CTNNA3: variants seen among roughly 807,000 people sequenced by gnomAD.
CTNNA3 encodes the protein catenin alpha 3.
Under a neutral mutation model 95.7 loss-of-function variants are expected in CTNNA3, and 76 were observed. The observed-to-expected ratio is 0.79, with a 90% CI of 0.66 to 0.96. The LOEUF (loss-of-function observed/expected upper bound fraction) is 0.96, where lower values mean the gene tolerates loss of function less well. Ranked by LOEUF, CTNNA3 falls within the 40% of genes least tolerant of loss-of-function variation. CTNNA3 has a pLI of 0.00. For missense variants in CTNNA3, 1,191 were observed against 1,089.8 expected (o/e 1.09, Z -1.31); for synonymous variants, 431 against 374.4 (o/e 1.15, Z -1.74).
chr10:66,204,330 A>G (rs1488531101), intron 13 of CTNNA3, among the ~76,000 whole-genome samples: 1 of 152,174 alleles, frequency 6.6e-6, no homozygotes, highest in Non-Finnish European at 1.5e-5. Flanking sequence ...GTTCAAAAGA[A>G]TAATGACCCA....
rs369882588 is a variant in CTNNA3 at position 66,654,071 on chromosome 10, A to T, written c.1282-32287T>A. On this transcript the variant is annotated intron_variant, in intron 9 of 17. Coordinates refer to ENST00000433211, the MANE Select transcript of CTNNA3 (RefSeq NM_013266.4). ...GCAATGATTTTTTGGATATGATCTC[A>T]AAAGAAAAGGCAACAAAAGTGAAAA... 2.0e-5 allele frequency among the ~76,000 whole-genome samples: 3 copies of T among 152,224 alleles called. No individual in the cohort carries two copies. The East Asian group carries it at 5.8e-4, about 29-fold the overall frequency.
At chr10:67,078,173 A>G (rs889032076) in intron 7 of CTNNA3, among the ~76,000 whole-genome samples, 1 of 152,182 alleles carries the variant, frequency 6.6e-6, no homozygotes, top group Non-Finnish European at 1.5e-5. Flanking sequence ...ATAAAAGAAC[A>G]CCACTTTTAG....
intron 7 of CTNNA3, among the ~76,000 whole-genome samples, chr10:66,815,246 T>G (rs1242969787): frequency 6.6e-6 from 1 of 152,166 alleles, no homozygotes; most frequent in Non-Finnish European, 1.5e-5. Context: ...GGGGAGTGTG[T>G]GTTCTAGAAA....
chr10:67,355,562 C>G (rs1414761004), intron 5 of CTNNA3, among the ~76,000 whole-genome samples: 1 of 151,832 alleles, frequency 6.6e-6, no homozygotes, highest in South Asian at 2.1e-4. Context: ...GGAGCTGTAA[C>G]TTCTGCTCCT....
At chr10:66,740,691 T>G (rs1371874599) in intron 9 of CTNNA3, among the ~76,000 whole-genome samples, 1 of 152,228 alleles carries the variant, frequency 6.6e-6, no homozygotes, top group Non-Finnish European at 1.5e-5. Context: ...CCTTTTGCAA[T>G]TGACTTGCCT....
intron 7 of CTNNA3, among the ~76,000 whole-genome samples, chr10:67,026,197 A>G (rs1853376973): frequency 6.6e-6 from 1 of 151,708 alleles, no homozygotes; most frequent in African/African-American, 2.4e-5. Context: ...AGCATGGCAC[A>G]TGTATACATA....
At chr10:66,928,182 G>A in intron 7 of CTNNA3, 1 of 1,614,066 alleles carries the variant, frequency 6.2e-7, no homozygotes, top group African/African-American at 1.3e-5. Context: ...AAATCATCGC[G>A]GGCAGCGTGG....
At chr10:67,478,519 C>T (rs1848102146) in intron 5 of CTNNA3, among the ~76,000 whole-genome samples, 1 of 152,088 alleles carries the variant, frequency 6.6e-6, no homozygotes, top group Non-Finnish European at 1.5e-5. Context: ...AATTTCATAT[C>T]CCACTAAATT....
intron 12 of CTNNA3, among the ~76,000 whole-genome samples, chr10:66,330,718 C>T (rs867388224): frequency 3.5e-4 from 54 of 152,230 alleles, no homozygotes; most frequent in African/African-American, 1.2e-3. Flanking sequence ...TCCTCCACAT[C>T]CTCTCCAGCA....
At chr10:67,650,824 G>A (rs1324082649) in intron 1 of CTNNA3, among the ~76,000 whole-genome samples, 1 of 152,152 alleles carries the variant, frequency 6.6e-6, no homozygotes. Flanking sequence ...GAAGATCAGA[G>A]AGATGCACAG....
chr10:67,514,255 G>A (rs1839736403), intron 5 of CTNNA3, among the ~76,000 whole-genome samples: 1 of 152,118 alleles, frequency 6.6e-6, no homozygotes. Flanking sequence ...AGCTGAGATT[G>A]TGCCACTGCA....
intron 1 of CTNNA3, among the ~76,000 whole-genome samples, chr10:67,711,063 G>A (rs1841104460): frequency 6.6e-6 from 1 of 152,158 alleles, no homozygotes; most frequent in Non-Finnish European, 1.5e-5. Context: ...CTTTTCTCTT[G>A]TCTGCCACCA....
intron 1 of CTNNA3, among the ~76,000 whole-genome samples, chr10:67,763,112 TA>T (rs988947922): frequency 1.3e-5 from 2 of 152,078 alleles, no homozygotes; most frequent in Non-Finnish European, 2.9e-5. Flanking sequence ...GGACAAGATT[TA>T]AAAAACAAAA....
intron 5 of CTNNA3, among the ~76,000 whole-genome samples, chr10:67,407,380 A>G (rs1389730768): frequency 6.6e-6 from 1 of 152,206 alleles, no homozygotes; most frequent in African/African-American, 2.4e-5. Context: ...CTTTCATGTA[A>G]AAAGCTCTCA....
At chr10:67,596,314 T>C (rs1361680524) in intron 3 of CTNNA3, among the ~76,000 whole-genome samples, 1 of 152,090 alleles carries the variant, frequency 6.6e-6, no homozygotes, top group African/African-American at 2.4e-5. Context: ...ATACCTGAGG[T>C]TGCAATTTTT....
At chr10:66,541,743 A>C (rs1841859211) in intron 10 of CTNNA3, among the ~76,000 whole-genome samples, 1 of 152,156 alleles carries the variant, frequency 6.6e-6, no homozygotes, top group Admixed American at 6.5e-5. Context: ...CCAAGAGAGA[A>C]GTCTCCTCAT....
chr10:67,267,486 TC>T, intron 5 of CTNNA3, among the ~76,000 whole-genome samples: 1 of 152,302 alleles, frequency 6.6e-6, no homozygotes, highest in Non-Finnish European at 1.5e-5. Context: ...TGCCTCAGCC[TC>T]CCAAGTAGCT....
At chr10:67,030,875 G>A (rs1853679336) in intron 7 of CTNNA3, among the ~76,000 whole-genome samples, 1 of 152,078 alleles carries the variant, frequency 6.6e-6, no homozygotes, top group South Asian at 2.1e-4. Flanking sequence ...GTGGTGGCGG[G>A]AGTCTGTAAT....
At chr10:66,665,993 C>T (rs1179755858) in intron 9 of CTNNA3, among the ~76,000 whole-genome samples, 4 of 152,110 alleles carry the variant, frequency 2.6e-5, no homozygotes, top group African/African-American at 7.2e-5. Flanking sequence ...TACTATAAAT[C>T]ATTGAGTCAC....
Sources: gnomAD v4.1 joint callset for allele counts (sites outside exome capture counted in the v4.1 genomes callset) on GRCh38, gnomAD v4.1.1 for gene constraint, MANE v1.5 for transcripts, NCBI Gene and HGNC (gene_info 2026-07-23, HGNC 2026-07-21) for gene names.